MGMT: variants seen among roughly 807,000 people sequenced by gnomAD.
The protein encoded by MGMT is methylated-DNA--protein-cysteine methyltransferase.
In MGMT, 14 loss-of-function variants were observed where a neutral mutation model predicts 15.9. The observed-to-expected ratio is 0.88, with a 90% CI of 0.58 to 1.37. The LOEUF is 1.37. Among genes scored for constraint, MGMT ranks in the 40% most tolerant of loss-of-function variants. The pLI, the probability that MGMT is intolerant of heterozygous loss-of-function variation, is 0.00. For missense variants in MGMT, 282 were observed against 268.1 expected, an observed-to-expected ratio of 1.05 and a Z score of -0.36; for synonymous variants, 130 against 118.2, an observed-to-expected ratio of 1.10 and a Z score of -0.65.
intron 2 of MGMT, among the ~76,000 whole-genome samples, chr10:129,634,630 A>T (rs187264370): frequency 6.6e-6 from 1 of 151,700 alleles, no homozygotes; most frequent in East Asian, 1.9e-4. Context: ...TTTTCATTTG[A>T]TGTATTTTTC....
chr10:129,731,133 G>T (rs1589963535), intron 3 of MGMT, among the ~76,000 whole-genome samples: 1 of 152,126 alleles, frequency 6.6e-6, no homozygotes, highest in Non-Finnish European at 1.5e-5. Flanking sequence ...GAGCTCTGAG[G>T]TCGTGTTCTG....
intron 2 of MGMT, among the ~76,000 whole-genome samples, chr10:129,645,638 G>C (rs186319003): frequency 6.6e-6 from 1 of 152,228 alleles, no homozygotes; most frequent in Non-Finnish European, 1.5e-5. Context: ...CGGTGGATTT[G>C]TGCGTGTCGG....
intron 1 of MGMT, among the ~76,000 whole-genome samples, chr10:129,524,191 T>G (rs1306260266): frequency 6.6e-6 from 1 of 152,200 alleles, no homozygotes; most frequent in African/African-American, 2.4e-5. Flanking sequence ...TTCTAAGGCC[T>G]AAGCTGGCTG....
intron 1 of MGMT, among the ~76,000 whole-genome samples, chr10:129,517,766 C>G (rs1046022446): frequency 1.8e-5 from 2 of 110,396 alleles, no homozygotes; most frequent in Admixed American, 8.4e-5. Context: ...TGTCTCCACA[C>G]CCTGACTCCA....
intron 2 of MGMT, among the ~76,000 whole-genome samples, chr10:129,704,247 G>C (rs1848132968): frequency 6.6e-6 from 1 of 152,076 alleles, no homozygotes; most frequent in Admixed American, 6.5e-5. Context: ...AGGAAATTGG[G>C]CAGTGAAAAG....
intron 2 of MGMT, chr10:129,693,768 T>G (rs1045770261): frequency 6.6e-6 from 1 of 152,230 alleles, no homozygotes; most frequent in African/African-American, 2.4e-5. Flanking sequence ...CAGGGTGTGG[T>G]GGCGCACGCC....
At chr10:129,575,277 G>C (rs564332782) in intron 2 of MGMT, among the ~76,000 whole-genome samples, 61 of 152,176 alleles carry the variant, frequency 4.0e-4, no homozygotes, top group Admixed American at 1.7e-3. Context: ...TGACCACATA[G>C]TTGGAAGTAA....
At chr10:129,555,992 G>C (rs1316901290) in intron 2 of MGMT, among the ~76,000 whole-genome samples, 5 of 152,144 alleles carry the variant, frequency 3.3e-5, no homozygotes, top group African/African-American at 1.2e-4. Context: ...ACCCTCCAGG[G>C]AGCTGTCGAG....
chr10:129,599,344 G>A (rs1442586505), intron 2 of MGMT, among the ~76,000 whole-genome samples: 1 of 152,218 alleles, frequency 6.6e-6, no homozygotes, highest in African/African-American at 2.4e-5. Context: ...GGCAGCTTTA[G>A]GCTAAGCTTG....
Position 129,680,746 on chromosome 10 carries a change from T to C in MGMT, c.126-27149T>C, listed in dbSNP as rs913234761. Among the ~76,000 whole-genome samples, 5 of 152,314 alleles carry C rather than the reference T, an allele frequency of 3.3e-5. No individual in the cohort carries two copies. In the East Asian group the frequency reaches 9.7e-4, roughly 29 times the overall value. On this transcript the variant is annotated intron_variant, in intron 2 of 4. Coordinates refer to ENST00000651593, the MANE Select transcript of MGMT (RefSeq NM_002412.5). Reference sequence around the variant, plus strand: ...CGCTCTGGGAAGCCTTCCCTGACCCTCCTTTGCCCCCGTGGGGACGTGGCT... The same window carrying C: ...CGCTCTGGGAAGCCTTCCCTGACCCCCCTTTGCCCCCGTGGGGACGTGGCT...
intron 3 of MGMT, among the ~76,000 whole-genome samples, chr10:129,756,509 G>T (rs562197732): frequency 6.6e-6 from 1 of 152,144 alleles, no homozygotes; most frequent in Non-Finnish European, 1.5e-5. Flanking sequence ...TCGCTCTGTC[G>T]CCCAGGCTGG....
chr10:129,618,112 TG>T (rs1046406788), intron 2 of MGMT, among the ~76,000 whole-genome samples: 2 of 152,142 alleles, frequency 1.3e-5, no homozygotes, highest in Non-Finnish European at 2.9e-5. Context: ...CCAGGCCCCT[TG>T]GGATGGAAAA....
chr10:129,712,738 A>G (rs565904816), intron 3 of MGMT, among the ~76,000 whole-genome samples: 7 of 152,304 alleles, frequency 4.6e-5, no homozygotes, highest in Non-Finnish European at 7.3e-5. Context: ...GAGTGGCGTC[A>G]TTACTTGGGT....
intron 3 of MGMT, 21 bp downstream of exon 3, chr10:129,708,064 C>A (rs780753989): frequency 1.9e-6 from 3 of 1,601,884 alleles, no homozygotes; most frequent in Non-Finnish European, 2.6e-6. Flanking sequence ...AAGCCATCTG[C>A]GGTGTTTCCT....
At chr10:129,599,166 G>T (rs1846787974) in intron 2 of MGMT, among the ~76,000 whole-genome samples, 1 of 152,210 alleles carries the variant, frequency 6.6e-6, no homozygotes, top group Admixed American at 6.5e-5. Context: ...CAGCCAGATT[G>T]GTTACAGCGT....
At chr10:129,743,948 G>A (rs1043440297) in intron 3 of MGMT, among the ~76,000 whole-genome samples, 15 of 152,210 alleles carry the variant, frequency 9.9e-5, no homozygotes, top group African/African-American at 3.6e-4. Context: ...GCCCCGCAGC[G>A]CTCATGCTGG....
Position 129,768,565 on chromosome 10 carries a change from T to C in MGMT, c.*1568T>C, listed in dbSNP as rs904535898. 2.0e-5 allele frequency among the ~76,000 whole-genome samples: 3 copies of C among 152,182 alleles called. No homozygotes were observed. The highest frequency in any genetic ancestry group is 7.2e-5 in the African/African-American group (3 of 41,454). ...TCTGCCCCAAAGGTGGTGCCCTGTG[T>C]CCCCCACAGATGATGGCCCTCCCCA... On this transcript the variant is annotated 3_prime_UTR_variant, in exon 5 of 5. Transcript: ENST00000651593.
At position 129,467,243 on chromosome 10, in the gene MGMT, C is replaced by G. The variant is rs774653754; in HGVS notation, c.-66C>G. 1.3e-6 allele frequency: 2 copies of G among 1,505,756 alleles called. No homozygotes were observed. Among genetic ancestry groups the G allele is most frequent in the Non-Finnish European group, 1.8e-6 (2 of 1,123,196 alleles). The allele number at this position is 1,505,756 out of a possible 1,614,324, so 93.3% of individuals were successfully genotyped here. A position where few individuals can be genotyped will look rare whatever the true frequency, so the allele number is the denominator to read the frequency against. Reference sequence around the variant, plus strand: ...GCTGGGACAGCCCGCGCCCCTAGAACGCTTTGCGTCCCGACGCCCGCAGGT... The same window carrying G: ...GCTGGGACAGCCCGCGCCCCTAGAAGGCTTTGCGTCCCGACGCCCGCAGGT... On this transcript the variant is annotated 5_prime_UTR_variant, in exon 1 of 5. Transcript: ENST00000651593.
intron 3 of MGMT, among the ~76,000 whole-genome samples, chr10:129,738,723 G>A (rs888770464): frequency 2.6e-5 from 4 of 152,158 alleles, no homozygotes; most frequent in African/African-American, 9.7e-5. Context: ...TCTACCAGAG[G>A]TACAAAGAAG....
Sources: gnomAD v4.1 joint callset for allele counts (sites outside exome capture counted in the v4.1 genomes callset) on GRCh38, gnomAD v4.1.1 for gene constraint, MANE v1.5 for transcripts, NCBI Gene and HGNC (gene_info 2026-07-23, HGNC 2026-07-21) for gene names.